The following PDXDC1 variants were observed in gnomAD, a reference collection of about 807,000 sequenced individuals.
PDXDC1 encodes pyridoxal-dependent decarboxylase domain-containing protein 1.
A neutral mutation model predicts 100.1 loss-of-function variants in PDXDC1; 42 were observed. The ratio of observed to expected loss-of-function variants is 0.42; its 90% CI spans 0.33 to 0.54. The LOEUF (loss-of-function observed/expected upper bound fraction) is 0.54, where lower values mean the gene tolerates loss of function less well. Ranked by LOEUF, PDXDC1 falls within the 20% of genes least tolerant of loss-of-function variation. The pLI is 0.10. For missense variants in PDXDC1, 636 were observed against 979.2 expected (o/e 0.65, Z 4.68); for synonymous variants, 260 against 371.7 (o/e 0.70, Z 3.46).
chr16:15,081,465 C>T (rs1219562752), intron 16 of PDXDC1, among the ~76,000 whole-genome samples: 1 of 152,112 alleles, frequency 6.6e-6, no homozygotes, highest in Non-Finnish European at 1.5e-5. Context: ...TGATGTTGAG[C>T]TTCTTTTCAT....
chr16:15,049,598 G>A (rs556912846), intron 16 of PDXDC1, among the ~76,000 whole-genome samples: 43 of 151,822 alleles, frequency 2.8e-4, no homozygotes, highest in Middle Eastern at 3.5e-3. Flanking sequence ...CCAGCTTTTC[G>A]TATTTTTAGT....
At chr16:14,990,572 G>T in intron 1 of PDXDC1, among the ~76,000 whole-genome samples, 1 of 152,262 alleles carries the variant, frequency 6.6e-6, no homozygotes, top group East Asian at 1.9e-4. Context: ...CCTGAAACTG[G>T]ATAATACTTT....
chr16:14,978,346 TGAA>T (rs1295807150), intron 1 of PDXDC1, among the ~76,000 whole-genome samples: 1 of 152,290 alleles, frequency 6.6e-6, no homozygotes, highest in African/African-American at 2.4e-5. Flanking sequence ...ACTATAATGA[TGAA>T]GATTTTAAGT....
intron 4 of PDXDC1, among the ~76,000 whole-genome samples, chr16:15,003,216 CTTT>C (rs1217823601): frequency 6.0e-5 from 8 of 134,332 alleles, no homozygotes; most frequent in Admixed American, 7.9e-5. Flanking sequence ...AGATTTAATT[CTTT>C]TTTTTTTTTT....
At chr16:15,075,622 G>A (rs1205382259) in intron 16 of PDXDC1, among the ~76,000 whole-genome samples, 1 of 152,058 alleles carries the variant, frequency 6.6e-6, no homozygotes, top group Non-Finnish European at 1.5e-5. Flanking sequence ...ACCTTTCCAG[G>A]CAGGGGTCTC....
At chr16:15,125,078 C>T (rs1273141871) in intron 16 of PDXDC1, among the ~76,000 whole-genome samples, 7 of 124,890 alleles carry the variant, frequency 5.6e-5, no homozygotes, top group African/African-American at 1.5e-4. Context: ...ACCCGGGAGG[C>T]GGAGGTTGCA....
intron 16 of PDXDC1, chr16:15,073,105 G>C: frequency 1.9e-6 from 3 of 1,600,686 alleles, no homozygotes; most frequent in South Asian, 1.1e-5. Flanking sequence ...TGGCATCTCA[G>C]TTTTTATAAA....
chr16:15,117,451 G>C (rs1262827237), intron 16 of PDXDC1, among the ~76,000 whole-genome samples: 2 of 149,478 alleles, frequency 1.3e-5, no homozygotes, highest in South Asian at 2.2e-4. Flanking sequence ...GAGGTCAAGA[G>C]ATGGAGACTA....
At position 15,037,996 on chromosome 16, in the gene PDXDC1, G is replaced by A. The variant is rs748507501; in HGVS notation, c.*1721G>A. 1 of 1,552,260 alleles carries A rather than the reference G, an allele frequency of 6.4e-7. No homozygotes were observed. The highest frequency in any genetic ancestry group is 1.7e-5 in the Admixed American group (1 of 58,052). On this transcript the variant is annotated 3_prime_UTR_variant, in exon 23 of 23. Transcript: ENST00000396410. ...GCCAGCCCCACCAATGGTCTGTCAG[G>A]CCAAGAAGGTGCTTTCTTTGGTAAT... is the stretch of plus-strand genomic sequence containing the variant.
chr16:15,101,192 T>G (rs112010331), intron 16 of PDXDC1, among the ~76,000 whole-genome samples: 1 of 152,230 alleles, frequency 6.6e-6, no homozygotes, highest in Non-Finnish European at 1.5e-5. Flanking sequence ...AGGTTCTCCG[T>G]AAATGACAGT....
Position 15,132,611 on chromosome 16 carries a change from C to T in PDXDC1, c.1400-6268C>T, listed in dbSNP as rs137919566. On this transcript the variant is annotated intron_variant, in intron 16 of 16. Transcript: ENST00000535621. The stretch of plus-strand genomic sequence containing the variant: ...CGAGGAACGCCATGGCATGAAGGAG[C>T]CCAGGCTGGAGGCTCAGCTCCTCGG... 3.1e-4 allele frequency: 246 copies of T among 785,560 alleles called. 1 individual carries two copies. In the African/African-American group the frequency reaches 3.9e-3, roughly 12 times the overall value. The allele number at this position is 785,560 out of a possible 1,614,324, so 48.7% of individuals were successfully genotyped here. A position where few individuals can be genotyped will look rare whatever the true frequency, so the allele number is the denominator to read the frequency against.
chr16:15,079,668 C>T (rs1164657876), intron 16 of PDXDC1, among the ~76,000 whole-genome samples: 1 of 151,748 alleles, frequency 6.6e-6, no homozygotes. Flanking sequence ...TCTCAGCTCA[C>T]TGCAAGATCT....
chr16:15,032,526 C>T (rs1567720572), intron 17 of PDXDC1: 1 of 202,424 alleles, frequency 4.9e-6, no homozygotes, highest in Non-Finnish European at 9.9e-6. Flanking sequence ...TGGTGGTGCA[C>T]ACCTGTAGTC....
At chr16:15,148,369 G>GTTTTT in the PDXDC1 span, among the ~76,000 whole-genome samples, 2 of 82,348 alleles carry the variant, frequency 2.4e-5, no homozygotes, top group Admixed American at 1.4e-4. Flanking sequence ...CAGATCCTGT[G>GTTTTT]ATTTTTTTTT....
At chr16:15,075,916 G>A (rs1282490099) in intron 16 of PDXDC1, among the ~76,000 whole-genome samples, 2 of 152,110 alleles carry the variant, frequency 1.3e-5, no homozygotes, top group African/African-American at 4.8e-5. Context: ...AAAGGAGCCA[G>A]GACCACCCTT....
intron 16 of PDXDC1, among the ~76,000 whole-genome samples, chr16:15,122,454 A>G (rs1482866791): frequency 4.9e-5 from 7 of 142,534 alleles, no homozygotes; most frequent in African/African-American, 1.9e-4. Flanking sequence ...GACTCAAGTG[A>G]TCTGCCCACC....
At chr16:15,140,637 T>C (rs1012696755), downstream of PDXDC1, among the ~76,000 whole-genome samples, 2 of 152,062 alleles carry the variant, frequency 1.3e-5, no homozygotes, top group Admixed American at 6.5e-5. Context: ...GGCGGCAGCA[T>C]GTCTCTCTTT....
intron 16 of PDXDC1, among the ~76,000 whole-genome samples, chr16:15,068,899 T>C (rs2045098475): frequency 6.6e-6 from 1 of 152,190 alleles, no homozygotes; most frequent in Admixed American, 6.5e-5. Context: ...TTAAGTATAT[T>C]TTCTTAGGAG....
chr16:15,125,908 T>C lies in PDXDC1; in HGVS notation c.1400-12971T>C. The C allele has an allele frequency of 8.8e-6, 6 of 681,370 alleles. No homozygotes were observed. The South Asian group carries it at 9.4e-5, about 11-fold the overall frequency. The allele number at this position is 681,370 out of a possible 1,614,324, so 42.2% of individuals were successfully genotyped here. On this transcript the variant is annotated intron_variant, in intron 16 of 16. Coordinates refer to the PDXDC1 transcript ENST00000535621. ...GCAGACAGGACAGAGCCCGGTGCCA[T>C]CTGACAGAATGTCCTAGAATGCTGG...
Sources: gnomAD v4.1 joint callset for allele counts (sites outside exome capture counted in the v4.1 genomes callset) on GRCh38, gnomAD v4.1.1 for gene constraint, MANE v1.5 for transcripts, NCBI Gene and HGNC (gene_info 2026-07-23, HGNC 2026-07-21) for gene names.